CDH4: variants seen among roughly 807,000 people sequenced by gnomAD.
CDH4 encodes cadherin 4.
Under a neutral mutation model 86.0 loss-of-function variants are expected in CDH4, and 33 were observed. The ratio of observed to expected loss-of-function variants is 0.38; its 90% CI spans 0.29 to 0.51. The LOEUF is 0.51. CDH4 is among the 20% of genes least tolerant of loss of function. The pLI is 0.86. For synonymous variants in CDH4, 555 were observed against 549.4 expected (o/e 1.01, Z -0.14); for missense variants, 1,114 against 1,307.4 (o/e 0.85, Z 2.28).
chr20:61,765,312 G>C (rs886963715), intron 3 of CDH4, among the ~76,000 whole-genome samples: 8 of 152,196 alleles, frequency 5.3e-5, no homozygotes, highest in African/African-American at 1.9e-4. Context: ...GGGGCACACT[G>C]CTCCAGGCTC....
chr20:61,733,027 G>A lies in CDH4; in HGVS notation c.170-10536G>A, dbSNP rs1022823924. ...CCCAGCTCCCACCTCTGAAAACGGG[G>A]GTGCTCTGGGCTGTGTGGGGGCAGC... On this transcript the variant is annotated intron_variant, in intron 2 of 15. Coordinates refer to ENST00000614565, the MANE Select transcript of CDH4 (RefSeq NM_001794.5). Among the ~76,000 whole-genome samples, 5 of 151,850 alleles carry A rather than the reference G, an allele frequency of 3.3e-5. No individual in the cohort carries two copies. The South Asian group carries it at 1.0e-3, about 32-fold the overall frequency.
At chr20:61,267,252 G>C (rs978240441) in intron 2 of CDH4, among the ~76,000 whole-genome samples, 4 of 152,182 alleles carry the variant, frequency 2.6e-5, no homozygotes, top group Non-Finnish European at 4.4e-5. Flanking sequence ...CACTGAACTG[G>C]GAATCCTGGG....
chr20:61,766,148 C>T (rs184754949), intron 3 of CDH4, among the ~76,000 whole-genome samples: 256 of 152,116 alleles, frequency 1.7e-3, no homozygotes, highest in African/African-American at 5.8e-3. Flanking sequence ...ACTTTGCTCA[C>T]GGTGCCCTCA....
intron 3 of CDH4, among the ~76,000 whole-genome samples, chr20:61,760,578 GC>G (rs1342239919): frequency 6.6e-6 from 1 of 151,850 alleles, no homozygotes; most frequent in African/African-American, 2.4e-5. Context: ...CTGGCTTCCC[GC>G]CCCTACTCCA....
chr20:61,408,645 G>C (rs1374681061), intron 2 of CDH4, among the ~76,000 whole-genome samples: 1 of 152,168 alleles, frequency 6.6e-6, no homozygotes, highest in Admixed American at 6.5e-5. Flanking sequence ...AGTGTGGGGT[G>C]CGTGGAGGTG....
intron 2 of CDH4, among the ~76,000 whole-genome samples, chr20:61,696,531 CACA>C (rs895327414): frequency 8.5e-5 from 13 of 152,238 alleles, no homozygotes; most frequent in African/African-American, 3.1e-4. Context: ...CTCACTCCTC[CACA>C]ACATGGTCCT....
intron 2 of CDH4, among the ~76,000 whole-genome samples, chr20:61,699,841 T>C (rs1045373852): frequency 5.9e-5 from 9 of 152,096 alleles, no homozygotes; most frequent in African/African-American, 2.2e-4. Flanking sequence ...GACCAGCCTG[T>C]AAGAACATCT....
chr20:61,697,461 G>C (rs1473850962), intron 2 of CDH4, among the ~76,000 whole-genome samples: 1 of 152,166 alleles, frequency 6.6e-6, no homozygotes, highest in Non-Finnish European at 1.5e-5. Flanking sequence ...AGCTGAGCGT[G>C]GTGGTGGACA....
At chr20:61,696,362 A>G (rs1324732994) in intron 2 of CDH4, among the ~76,000 whole-genome samples, 1 of 152,188 alleles carries the variant, frequency 6.6e-6, no homozygotes, top group African/African-American at 2.4e-5. Flanking sequence ...CGCAGGAGGA[A>G]CTGGGAGGCA....
chr20:61,754,619 GCACACACACCA>G lies in CDH4; in HGVS notation c.396+10840_396+10850del, dbSNP rs2088536838. Among the ~76,000 whole-genome samples the G allele has an allele frequency of 7.2e-6, 1 of 139,636 alleles. No homozygotes were observed. The highest frequency in any genetic ancestry group is 1.5e-5 in the Non-Finnish European group (1 of 66,984). 91.6% of individuals were successfully genotyped at this position (139,636 alleles called of 152,430 possible). ...CGGAACACCACACACACGGTGCACG[GCACACACACCA>G]CACACACACGCCCCACACACCACAC... is the stretch of plus-strand genomic sequence containing the variant. On this transcript the variant is annotated intron_variant, in intron 3 of 15. Transcript: ENST00000614565. This position sits in a 1 kb window ranked among gnomAD's most constrained non-coding sequence, Gnocchi z 4.7.
At chr20:61,872,696 G>A (rs568041312) in intron 6 of CDH4, among the ~76,000 whole-genome samples, 31 of 152,374 alleles carry the variant, frequency 2.0e-4, no homozygotes, top group African/African-American at 7.0e-4. Flanking sequence ...GAGCACACAC[G>A]TGTGCAGAGC....
intron 7 of CDH4, among the ~76,000 whole-genome samples, chr20:61,874,548 G>C (rs1253578631): frequency 6.6e-6 from 1 of 152,178 alleles, no homozygotes; most frequent in African/African-American, 2.4e-5. Context: ...GGCCCTGGGC[G>C]GTGGGTGAGG....
At chr20:61,293,317 A>G (rs1313407259) in intron 2 of CDH4, among the ~76,000 whole-genome samples, 1 of 152,130 alleles carries the variant, frequency 6.6e-6, no homozygotes, top group Non-Finnish European at 1.5e-5. Context: ...GGGTGGCAGG[A>G]GGACCCGTAG....
intron 2 of CDH4, among the ~76,000 whole-genome samples, chr20:61,479,423 T>C (rs1299348183): frequency 1.4e-5 from 2 of 146,890 alleles, no homozygotes; most frequent in Admixed American, 1.3e-4. Flanking sequence ...CATTGTTCAA[T>C]TCCCACCTAT....
intron 2 of CDH4, among the ~76,000 whole-genome samples, chr20:61,281,586 C>A (rs745872158): frequency 6.6e-6 from 1 of 152,202 alleles, no homozygotes; most frequent in Non-Finnish European, 1.5e-5. Flanking sequence ...GTCTGAGGTC[C>A]GTCCCAGCCC....
intron 2 of CDH4, among the ~76,000 whole-genome samples, chr20:61,381,850 G>A (rs142506468): frequency 6.6e-6 from 1 of 152,256 alleles, no homozygotes; most frequent in African/African-American, 2.4e-5. Flanking sequence ...CTGGGCGGGT[G>A]GATCACCTGA....
rs540557743 is a variant in CDH4, at chr20:61,819,178, T to C, written c.577-25490T>C. ...AAGGATGTCACCTCCGCTTCCCAGA[T>C]AGACCCCCTCAGACAGCCCCACGGC... On this transcript the variant is annotated intron_variant, in intron 4 of 15. Transcript: ENST00000614565. 3.5e-3 allele frequency among the ~76,000 whole-genome samples: 536 copies of C among 152,290 alleles called. 4 individuals are homozygous for C. Among genetic ancestry groups the C allele is most frequent in the Non-Finnish European group, 6.7e-3 (453 of 68,022 alleles).
At chr20:61,528,466 A>AAGAGAGGGGAGGGG (rs2085928577) in intron 2 of CDH4, among the ~76,000 whole-genome samples, 4 of 8,154 alleles carry the variant, frequency 4.9e-4, no homozygotes, top group Non-Finnish European at 7.6e-4. Context: ...GGGGAGAGGG[A>AAGAGAGGGGAGGGG]GGGGGAGGGG....
At chr20:61,903,852 A>G (rs1207804321) in intron 8 of CDH4, among the ~76,000 whole-genome samples, 4 of 152,102 alleles carry the variant, frequency 2.6e-5, no homozygotes, top group African/African-American at 9.7e-5. Flanking sequence ...CCTGCTCCCA[A>G]AATGCTGTCA....
Sources: gnomAD v4.1 joint callset for allele counts (sites outside exome capture counted in the v4.1 genomes callset) on GRCh38, gnomAD v4.1.1 for gene constraint, Gnocchi (gnomAD v3.1) non-coding constraint, MANE v1.5 for transcripts, NCBI Gene and HGNC (gene_info 2026-07-23, HGNC 2026-07-21) for gene names.